PLA1A: variants seen among roughly 807,000 people sequenced by gnomAD.
The protein encoded by PLA1A is phosphatidylserine-specific phospholipase A1alpha.
Under a neutral mutation model 49.4 loss-of-function variants are expected in PLA1A, and 47 were observed. The observed-to-expected ratio is 0.95, with a 90% CI of 0.75 to 1.21. PLA1A has a LOEUF of 1.21. PLA1A is among the 50% of genes most tolerant of loss of function. The pLI is 0.00. For synonymous variants in PLA1A, 224 were observed against 207.9 expected (o/e 1.08, Z -0.67); for missense variants, 561 against 563.9 (o/e 0.99, Z 0.05).
intron 3 of PLA1A, 56 bp downstream of exon 3, chr3:119,609,003 G>A: frequency 1.4e-6 from 2 of 1,451,178 alleles, no homozygotes; most frequent in Non-Finnish European, 1.9e-6. Context: ...GAGAGGGTCA[G>A]AAAGACAAAA....
At chr3:119,621,961 C>G (rs12638684) in intron 8 of PLA1A, among the ~76,000 whole-genome samples, 77,780 of 151,880 alleles carry the variant, frequency 0.51, 20,432 homozygotes, top group East Asian at 0.89. Flanking sequence ...GCTCACGTCT[C>G]TAATCCCAGC....
At chr3:119,611,930 C>T (rs923402139) in intron 4 of PLA1A, among the ~76,000 whole-genome samples, 4 of 152,162 alleles carry the variant, frequency 2.6e-5, no homozygotes, top group African/African-American at 9.7e-5. Flanking sequence ...ATGGTTGTAA[C>T]AGCCCACATC....
At chr3:119,609,980 C>T (rs1251969198) in intron 4 of PLA1A, among the ~76,000 whole-genome samples, 1 of 152,104 alleles carries the variant, frequency 6.6e-6, no homozygotes, top group African/African-American at 2.4e-5. Context: ...CTTGCTTTTC[C>T]TCCCCCTTTT....
chr3:119,609,948 G>A (rs1348252348), intron 4 of PLA1A, among the ~76,000 whole-genome samples: 1 of 152,158 alleles, frequency 6.6e-6, no homozygotes, highest in Non-Finnish European at 1.5e-5. Context: ...GTACTTGATA[G>A]GTAGTTTTGC....
At chr3:119,610,942 G>A (rs536123717) in intron 4 of PLA1A, among the ~76,000 whole-genome samples, 63 of 152,202 alleles carry the variant, frequency 4.1e-4, no homozygotes, top group African/African-American at 1.2e-3. Context: ...TTTACAGTTC[G>A]AGGTCTTACA....
intron 4 of PLA1A, 80 bp from the exon 5 acceptor site, chr3:119,612,937 A>C (rs2082789164): frequency 1.1e-6 from 1 of 888,660 alleles, no homozygotes. Flanking sequence ...TCTGCACTGG[A>C]AGGGTGGGTG....
At chr3:119,609,369 C>G (rs1335560321) in intron 3 of PLA1A, 99 bp from the exon 4 acceptor site, 2 of 806,976 alleles carry the variant, frequency 2.5e-6, no homozygotes, top group South Asian at 2.7e-5. Flanking sequence ...GTGTGTCATG[C>G]CCAGGGCCTC....
chr3:119,601,066 C>T lies in PLA1A; in HGVS notation c.73+3080C>T, dbSNP rs148126342. 2.2e-4 allele frequency among the ~76,000 whole-genome samples: 33 copies of T among 152,362 alleles called. 1 individual carries two copies. The East Asian group carries it at 6.0e-3, about 28-fold the overall frequency. On this transcript the variant is annotated intron_variant, in intron 1 of 10. Coordinates refer to ENST00000273371, the MANE Select transcript of PLA1A (RefSeq NM_015900.4). The stretch of plus-strand genomic sequence containing the variant: ...TGCTTCCCGACACATGCACCGATGG[C>T]TCCTCTGTCATCTCCACATTTGATA...
At position 119,606,910 on chromosome 3, in the gene PLA1A, C is replaced by A. The variant is rs370277275; in HGVS notation, c.210C>A (p.Ser70Arg). The A allele has an allele frequency of 1.9e-6, 3 of 1,614,154 alleles. No individual in the cohort carries two copies. Among genetic ancestry groups the A allele is most frequent in the Non-Finnish European group, 2.5e-6 (3 of 1,179,990 alleles). ...NPSCGQLVEG[S>R]SDLQNSGFNA... ...GCTGTGGGCAGCTAGTAGAAGGAAG[C>A]AGTGACCTCCAAAACTCTGGGTTCA... Residue 70 changes from serine (S) to arginine (R), a missense_variant, in exon 2 of 11, where the codon AGC (serine) becomes AGA (arginine). Physicochemically the swap from Ser to Arg is moderately radical, Grantham distance 110. Transcript: ENST00000273371.
intron 2 of PLA1A, among the ~76,000 whole-genome samples, chr3:119,608,276 G>GAAAGAAA (rs1213824274): frequency 1.3e-5 from 2 of 150,512 alleles, no homozygotes; most frequent in African/African-American, 4.9e-5. Flanking sequence ...AAGAAAGAAA[G>GAAAGAAA]AAAGAAAGAA....
intron 8 of PLA1A, 127 bp downstream of exon 8, chr3:119,619,779 C>T: frequency 1.4e-6 from 1 of 720,564 alleles, no homozygotes; most frequent in Non-Finnish European, 2.5e-6. Context: ...TGGCAACAGC[C>T]CCTGGTCTGA....
intron 1 of PLA1A, among the ~76,000 whole-genome samples, chr3:119,600,836 G>T (rs936243259): frequency 6.6e-6 from 1 of 152,240 alleles, no homozygotes; most frequent in East Asian, 1.9e-4. Flanking sequence ...GCTCAAGGGG[G>T]TGGCAGGAAG....
intron 5 of PLA1A, among the ~76,000 whole-genome samples, chr3:119,614,909 AGT>A (rs1461687571): frequency 6.6e-6 from 1 of 152,100 alleles, no homozygotes; most frequent in African/African-American, 2.4e-5. Context: ...CCCATTAGAG[AGT>A]GTCTGCAGTA....
intron 1 of PLA1A, among the ~76,000 whole-genome samples, chr3:119,603,107 T>C (rs2082639673): frequency 6.6e-6 from 1 of 152,174 alleles, no homozygotes; most frequent in South Asian, 2.1e-4. Context: ...TGTTAGGACT[T>C]CAGGTTTCAA....
chr3:119,618,020 T>A lies in PLA1A; in HGVS notation c.756T>A (p.Gly252=). Residue 252 remains glycine (G), a splice_region_variant and synonymous_variant, in exon 7 of 11, where the codon GGT becomes GGA. Coordinates refer to ENST00000273371, the MANE Select transcript of PLA1A (RefSeq NM_015900.4). ...QPGCPTFFYA[G]YSYLICDHMR... ...TGGTTGTGTTTTTTCTCTGTTCAGG[T>A]TATAGTTATCTGATCTGTGATCACA... The A allele has an allele frequency of 6.2e-7, 1 of 1,609,152 alleles. No individual in the cohort carries two copies. The highest frequency in any genetic ancestry group is 1.1e-5 in the South Asian group (1 of 90,148).
Position 119,629,502 on chromosome 3 carries a change from T to TTTA in PLA1A, c.*36_*37insATT, listed in dbSNP as rs201339395. 2,741 of 1,177,768 alleles carry TTTA rather than the reference T, an allele frequency of 2.3e-3. 43 individuals carry two copies. The African/African-American group carries it at 0.036, about 15-fold the overall frequency. The allele number at this position is 1,177,768 out of a possible 1,614,324, so 73.0% of individuals were successfully genotyped here. A position where few individuals can be genotyped will look rare whatever the true frequency, so the allele number is the denominator to read the frequency against. ...GGGCAGGACACATCTCCCTGCATTT[T>TTTA]TTTTTTTTTTTTGAGAGAGAGGTGT... On this transcript the variant is annotated 3_prime_UTR_variant, in exon 11 of 11. Coordinates refer to ENST00000273371, the MANE Select transcript of PLA1A (RefSeq NM_015900.4).
chr3:119,620,432 G>T (rs1341720161), intron 8 of PLA1A, among the ~76,000 whole-genome samples: 1 of 152,138 alleles, frequency 6.6e-6, no homozygotes, highest in Non-Finnish European at 1.5e-5. Flanking sequence ...CAGAAGGCCT[G>T]GTGCCATATG....
rs371795456 is a variant in PLA1A at position 119,612,954 on chromosome 3, G to GGGTC, written c.563-62_563-59dup. 4.1e-4 allele frequency: 430 copies of GGGTC among 1,039,990 alleles called. No individual in the cohort carries two copies. In the African/African-American group the frequency reaches 6.1e-3, roughly 15 times the overall value. 64.4% of individuals were successfully genotyped at this position (1,039,990 alleles called of 1,614,324 possible). Reference sequence around the variant, plus strand: ...TGCACTGGAAGGGTGGGTGTGTGGTGGGTCCATGAATGTTCCTGCAGCTGA... The same window carrying GGGTC: ...TGCACTGGAAGGGTGGGTGTGTGGTGGGTCGGTCCATGAATGTTCCTGCAGCTGA... On this transcript the variant is annotated intron_variant, in intron 4 of 10. Transcript: ENST00000273371.
chr3:119,605,605 G>A (rs1226324096), intron 1 of PLA1A, among the ~76,000 whole-genome samples: 2 of 152,246 alleles, frequency 1.3e-5, no homozygotes, highest in Non-Finnish European at 2.9e-5. Flanking sequence ...TCTGGTGGCA[G>A]CAATGCTGTG....
Sources: gnomAD v4.1 joint callset for allele counts (sites outside exome capture counted in the v4.1 genomes callset) on GRCh38, gnomAD v4.1.1 for gene constraint, MANE v1.5 for transcripts, NCBI Gene and HGNC (gene_info 2026-07-23, HGNC 2026-07-21) for gene names.